Variants in MED12 observed in about 807,000 individuals in gnomAD.
MED12 encodes the protein mediator of RNA polymerase II transcription subunit 12.
A neutral mutation model predicts 177.7 loss-of-function variants in MED12; 10 were observed. That is an observed-to-expected ratio of 0.06 (90% CI 0.03 to 0.10). MED12 has a LOEUF of 0.10. MED12 is among the 10% of genes least tolerant of loss of function. MED12 has a pLI of 1.00. For synonymous variants in MED12, 641 were observed against 678.4 expected, an observed-to-expected ratio of 0.94 and a Z score of 0.86; for missense variants, 867 against 1,780.8, an observed-to-expected ratio of 0.49 and a Z score of 9.23.
At chrX:71,141,699 A>G (rs2092348487) in intron 43 of MED12, among the ~76,000 whole-genome samples, 184 bp from the exon 44 acceptor site, 1 of 110,674 alleles carries the variant, frequency 9.0e-6, no homozygotes. Context: ...GCTACTCAAG[A>G]GGCTGAGGCA....
In MED12 at chrX:71,129,121, T is replaced by C. The variant is rs774227521; in HGVS notation, c.3483T>C (p.Ser1161=). 4.3e-5 allele frequency: 52 copies of C among 1,203,678 alleles called. No homozygotes were observed. The highest frequency in any genetic ancestry group is 5.7e-5 in the Non-Finnish European group (51 of 889,766). ...GTTTTGTCTTCCTTTTAGCTTGTAG[T>C]GAACAGGACTCTGAGCCAGGGGCCC... ...AIPSLLNAAC[S]EQDSEPGARL... The change falls in exon 25 of 45, where the codon AGT becomes AGC. Residue 1161 remains serine, a synonymous_variant. Transcript: ENST00000374080.
At position 71,121,681 on chromosome X, in the gene MED12, T is replaced by C. The variant is rs370616416; in HGVS notation, c.966T>C (p.Ala322=). 138 of 1,209,326 alleles carry C rather than the reference T, an allele frequency of 1.1e-4. No individual in the cohort carries two copies. The highest frequency in any genetic ancestry group is 1.5e-4 in the Non-Finnish European group (133 of 895,068). ...GTCACTCATCTCATGTTATATCTGC[T>C]CAGTCAACAAGCACGCTACCCACCA... ...VSSHSSHVIS[A]QSTSTLPTTP... Residue 322 remains alanine, a synonymous_variant, in exon 7 of 45, where the codon GCT becomes GCC. Coordinates refer to ENST00000374080, the MANE Select transcript of MED12 (RefSeq NM_005120.3).
At chrX:71,142,014 G>A in intron 44 of MED12, 50 bp downstream of exon 44, 5 of 1,163,497 alleles carry the variant, frequency 4.3e-6, no homozygotes, top group African/African-American at 1.8e-5. Flanking sequence ...AAATTTAGGG[G>A]GCGGGGTGGG....
At chrX:71,138,876 CAAAT>C (rs2092339462) in intron 41 of MED12, among the ~76,000 whole-genome samples, 1 of 111,609 alleles carries the variant, frequency 9.0e-6, no homozygotes, top group Non-Finnish European at 1.9e-5. Context: ...CCAGGATGGA[CAAAT>C]GAATGAATCC....
Position 71,130,073 on chromosome X carries a change from G to C in MED12, c.3906G>C (p.Glu1302Asp). Residue 1302 changes from glutamate to aspartate, a missense_variant, in exon 28 of 45, where the codon GAG becomes GAC. Physicochemically the swap from Glu to Asp is conservative, Grantham distance 45. Transcript: ENST00000374080. ...VGERCLKSLC[E>D]DSNDLQDPVL... ...AACGTTGCCTTAAGTCTCTGTGTGA[G>C]GACAGCAATGACCTGCAAGACCCAG... 1 of 1,209,812 alleles carries C rather than the reference G, an allele frequency of 8.3e-7. No homozygotes were observed. Among genetic ancestry groups the C allele is most frequent in the Non-Finnish European group, 1.1e-6 (1 of 894,477 alleles).
intron 42 of MED12, 97 bp from the exon 43 acceptor site, chrX:71,141,133 C>A: frequency 8.6e-7 from 1 of 1,159,972 alleles, no homozygotes. Context: ...ACCCCGAGCT[C>A]CCACCCTGCT....
At position 71,120,928 on chromosome X, in the gene MED12, A is replaced by G. The variant is rs761492849; in HGVS notation, c.554-43A>G. On this transcript the variant is annotated intron_variant, in intron 4 of 44. Transcript: ENST00000374080. ...CAGCCAGTAGAAGGATATTCTAAGC[A>G]GAAGGATAGTATCAAATAGCCCTTT... is the stretch of plus-strand genomic sequence containing the variant. 1.6e-5 allele frequency: 19 copies of G among 1,198,472 alleles called. No individual in the cohort carries two copies. The Admixed American group carries it at 3.5e-4, about 22-fold the overall frequency.
Position 71,140,624 on chromosome X carries a change from TA to T in MED12, c.6045-10del. The T allele has an allele frequency of 3.3e-6, 4 of 1,210,845 alleles. No individual in the cohort carries two copies. Among genetic ancestry groups the T allele is most frequent in the Non-Finnish European group, 4.5e-6 (4 of 895,255 alleles). The stretch of plus-strand genomic sequence containing the variant: ...CTCATGCCTTGACCTCTGACCCTCT[TA>T]TCTTTGGAGGTTTTCACACCAGACA... On this transcript the variant is annotated splice_polypyrimidine_tract_variant and intron_variant, in intron 41 of 44. Coordinates refer to ENST00000374080, the MANE Select transcript of MED12 (RefSeq NM_005120.3).
chrX:71,119,791 C>T lies in MED12; in HGVS notation c.310C>T (p.Leu104=), dbSNP rs2147773383. Residue 104 remains leucine, a synonymous_variant, in exon 3 of 45, where the codon CTG becomes TTG. Coordinates refer to ENST00000374080, the MANE Select transcript of MED12 (RefSeq NM_005120.3). The part of the protein sequence containing the change: ...PQVNQKDNFW[L]VTARSQSAIN... ...AGTGAACCAGAAGGATAACTTCTGG[C>T]TGGTGACTGCACGATCCCAGAGTGC... The T allele has an allele frequency of 8.3e-7, 1 of 1,210,929 alleles. No individual in the cohort carries two copies. The highest frequency in any genetic ancestry group is 1.1e-6 in the Non-Finnish European group (1 of 894,890).
intron 8 of MED12, 33 bp downstream of exon 8, chrX:71,122,379 T>C (rs2092291489): frequency 5.8e-6 from 7 of 1,207,833 alleles, no homozygotes; most frequent in African/African-American, 3.5e-5. Context: ...TACTCTCAGA[T>C]TGGGCTATGA....
intron 43 of MED12, 135 bp from the exon 44 acceptor site, chrX:71,141,748 G>A: frequency 3.4e-6 from 2 of 594,227 alleles, no homozygotes; most frequent in East Asian, 3.6e-5. Context: ...GTTGCAGTGA[G>A]CCAAGATCAT....
chrX:71,132,693 G>A, intron 31 of MED12, 152 bp from the exon 32 acceptor site: 1 of 842,358 alleles, frequency 1.2e-6, no homozygotes. Flanking sequence ...TAGATCTTAA[G>A]AGAGTAGTCT....
Position 71,140,700 on chromosome X carries a change from G to C in MED12, c.6110G>C (p.Gly2037Ala), listed in dbSNP as rs1230224882. Residue 2037 changes from glycine (G) to alanine (A), a missense_variant, in exon 42 of 45, where the codon GGC becomes GCC. Gly to Ala is a moderately conservative substitution (Grantham distance 60). Coordinates refer to ENST00000374080, the MANE Select transcript of MED12 (RefSeq NM_005120.3). The stretch of plus-strand genomic sequence containing the variant: ...ACCATGACTCCAATGAGTGCCCAGG[G>C]CGTCCAGGCAGGCGTCCGTTCAACA... ...ISTMTPMSAQ[G>A]VQAGVRSTAI... The C allele has an allele frequency of 8.3e-7, 1 of 1,209,405 alleles. No homozygotes were observed.
chrX:71,130,729 C>T (rs1888939477), intron 28 of MED12, among the ~76,000 whole-genome samples: 1 of 112,602 alleles, frequency 8.9e-6, no homozygotes, highest in Admixed American at 9.4e-5. Context: ...AGTTTAGAGT[C>T]AATATGTGAA....
intron 27 of MED12, 50 bp downstream of exon 27, chrX:71,129,905 G>T: frequency 8.3e-7 from 1 of 1,198,299 alleles, no homozygotes; most frequent in Non-Finnish European, 1.1e-6. Flanking sequence ...GTGTAATATA[G>T]TTCTGTTTCC....
At position 71,140,829 on chromosome X, in the gene MED12, GGCAGCA is replaced by G. The variant is rs786200971; in HGVS notation, c.6253_6258del (p.Gln2085_Gln2086del). On this transcript the variant is annotated inframe_deletion, in exon 42 of 45. Coordinates refer to ENST00000374080, the MANE Select transcript of MED12 (RefSeq NM_005120.3). ...CAGCAGCAGCAGCAGTACCACATCC[GGCAGCA>G]GCAGCAGCAGCAGATCCTGCGGGTA... The G allele has an allele frequency of 1.7e-6, 2 of 1,198,867 alleles. No homozygotes were observed. Among genetic ancestry groups the G allele is most frequent in the Non-Finnish European group, 1.1e-6 (1 of 890,671 alleles).
In MED12 at chrX:71,133,194, C is replaced by G. The variant is rs2092323060; in HGVS notation, c.4599C>G (p.Leu1533=). The G allele has an allele frequency of 8.3e-7, 1 of 1,199,216 alleles. No homozygotes were observed. Among genetic ancestry groups the G allele is most frequent in the African/African-American group, 1.8e-5 (1 of 56,845 alleles). The change falls in exon 33 of 45, where the codon CTC becomes CTG. Residue 1533 remains leucine, a synonymous_variant. Transcript: ENST00000374080. ...CAAAGCAGCTTATGCATGAGGCACT[C>G]AAACTGCGGCTCAACCTGGTGAGAA... ...CKPKQLMHEA[L]KLRLNLVGGM...
intron 21 of MED12, chrX:71,127,671 C>A: frequency 2.1e-6 from 1 of 479,541 alleles, no homozygotes; most frequent in Non-Finnish European, 3.6e-6. Context: ...CTGTGGGGCC[C>A]ACCCTCTTCC....
rs1383089163 is a variant in MED12 at position 71,127,405 on chromosome X, T to C, written c.2919T>C (p.Ala973=). Residue 973 remains alanine (A), a synonymous_variant, in exon 21 of 45, where the codon GCT becomes GCC. Coordinates refer to ENST00000374080, the MANE Select transcript of MED12 (RefSeq NM_005120.3). ...CCTCTGCAGAGCGCTGTATCCTTGC[T>C]TATCTCTATGATCTGTACACCTCCT... The part of the protein sequence containing the change: ...DGSSAERCIL[A]YLYDLYTSCS... 7.4e-6 allele frequency: 9 copies of C among 1,208,410 alleles called. No individual in the cohort carries two copies. The highest frequency in any genetic ancestry group is 5.9e-5 in the East Asian group (2 of 33,828).
Sources: gnomAD v4.1 joint callset for allele counts (sites outside exome capture counted in the v4.1 genomes callset) on GRCh38, gnomAD v4.1.1 for gene constraint, MANE v1.5 for transcripts, NCBI Gene and HGNC (gene_info 2026-07-23, HGNC 2026-07-21) for gene names.